The following CUX1 variants were observed in gnomAD, a reference collection of about 807,000 sequenced individuals.
The protein encoded by CUX1 is cut like homeobox 1, also known as protein CASP.
A neutral mutation model predicts 158.8 loss-of-function variants in CUX1; 31 were observed. The ratio of observed to expected loss-of-function variants is 0.20; its 90% CI spans 0.15 to 0.26. The LOEUF (loss-of-function observed/expected upper bound fraction) is 0.26. CUX1 is among the 10% of genes least tolerant of loss of function. The probability of loss-of-function intolerance (pLI) is 1.00; values close to 1 mark genes in which losing one functional copy is unlikely to be tolerated. For missense variants in CUX1, 1,589 were observed against 2,014.6 expected (o/e 0.79, Z 4.04); for synonymous variants, 879 against 862.1 (o/e 1.02, Z -0.34).
At chr7:102,073,539 C>T (rs1437452890) in intron 4 of CUX1, among the ~76,000 whole-genome samples, 2 of 152,064 alleles carry the variant, frequency 1.3e-5, no homozygotes, top group Non-Finnish European at 2.9e-5. Flanking sequence ...TCAATTTTTC[C>T]CTAGTGAAAT....
intron 8 of CUX1, among the ~76,000 whole-genome samples, chr7:102,131,234 A>G (rs975226994): frequency 6.6e-6 from 1 of 152,176 alleles, no homozygotes; most frequent in African/African-American, 2.4e-5. Context: ...GATTTTTCCA[A>G]TGGAAAAAGG....
At chr7:102,098,807 ATTTTTTTTTTTTTTTTTTTT>A (rs112048598) in intron 5 of CUX1, among the ~76,000 whole-genome samples, 1 of 67,968 alleles carries the variant, frequency 1.5e-5, no homozygotes, top group Admixed American at 2.0e-4. Context: ...CGCCCAACTA[ATTTTTTTTTTTTTTTTTTTT>A]TTTTTTTTTT....
At chr7:102,244,327 C>T (rs1321675456) in intron 23 of CUX1, among the ~76,000 whole-genome samples, 1 of 30,520 alleles carries the variant, frequency 3.3e-5, no homozygotes, top group Non-Finnish European at 1.1e-4. Context: ...ATTTTTGCCC[C>T]CTCAAAAAAA....
chr7:102,030,839 A>G (rs1820708520), intron 3 of CUX1, among the ~76,000 whole-genome samples: 1 of 151,746 alleles, frequency 6.6e-6, no homozygotes, highest in Admixed American at 6.6e-5. Context: ...AGCTGGGACT[A>G]TACATGTGCA....
chr7:102,123,653 C>T (rs1011758363), intron 8 of CUX1, among the ~76,000 whole-genome samples: 3 of 151,364 alleles, frequency 2.0e-5, no homozygotes, highest in Non-Finnish European at 2.9e-5. Flanking sequence ...TCAACCAGTC[C>T]TACTGCTTTT....
In CUX1 at chr7:102,009,014, C is replaced by T. The variant is rs148720777; in HGVS notation, c.142-19084C>T. 2.0e-5 allele frequency among the ~76,000 whole-genome samples: 3 copies of T among 152,276 alleles called. No homozygotes were observed. The East Asian group carries it at 5.8e-4, about 29-fold the overall frequency. On this transcript the variant is annotated intron_variant, in intron 2 of 23. Coordinates refer to ENST00000292535, the MANE Select transcript of CUX1 (RefSeq NM_181552.4). ...CAGGGAACCCTCGGCCCCGCGTGCT[C>T]CAGCAGGTCTGCATGATTAACCTGA...
chr7:101,855,876 T>TAAAA (rs1584774755), intron 1 of CUX1, among the ~76,000 whole-genome samples: 1 of 10,980 alleles, frequency 9.1e-5, no homozygotes, highest in African/African-American at 2.4e-4. Flanking sequence ...AGTTTCCAGC[T>TAAAA]CAAAAAAAAA....
chr7:101,981,891 T>G (rs972606450), intron 2 of CUX1, among the ~76,000 whole-genome samples: 2 of 152,168 alleles, frequency 1.3e-5, no homozygotes, highest in Non-Finnish European at 2.9e-5. Flanking sequence ...ATTACAGGCG[T>G]GAGCCACCGC....
intron 1 of CUX1, among the ~76,000 whole-genome samples, chr7:101,858,885 C>G (rs1797158429): frequency 6.6e-6 from 1 of 152,088 alleles, no homozygotes; most frequent in Admixed American, 6.5e-5. Context: ...AGGCTGGACT[C>G]AAACTCCTGA....
chr7:102,108,637 C>G (rs1554489223), intron 6 of CUX1, among the ~76,000 whole-genome samples: 1 of 152,032 alleles, frequency 6.6e-6, no homozygotes, highest in African/African-American at 2.4e-5. Flanking sequence ...GTGCCCAGCT[C>G]TTGACTTTTC....
intron 3 of CUX1, among the ~76,000 whole-genome samples, chr7:102,043,591 G>A (rs1009531158): frequency 4.6e-5 from 7 of 152,228 alleles, no homozygotes; most frequent in South Asian, 4.2e-4. Context: ...AGGGATGACC[G>A]TGTGTATAGA....
chr7:102,108,736 T>TGTGTG (rs1830610289), intron 6 of CUX1, among the ~76,000 whole-genome samples: 13 of 145,060 alleles, frequency 9.0e-5, no homozygotes, highest in Middle Eastern at 3.4e-3. Context: ...TTCATTCATT[T>TGTGTG]TGTGTGTGTG....
intron 2 of CUX1, among the ~76,000 whole-genome samples, chr7:101,945,145 G>A (rs1047490404): frequency 6.6e-6 from 1 of 152,186 alleles, no homozygotes; most frequent in African/African-American, 2.4e-5. Flanking sequence ...CGTGCTGGGA[G>A]TCAGGGGTGG....
At chr7:101,854,499 G>C (rs1432608693) in intron 1 of CUX1, among the ~76,000 whole-genome samples, 1 of 152,062 alleles carries the variant, frequency 6.6e-6, no homozygotes, top group Admixed American at 6.6e-5. Flanking sequence ...CTTATCTCTG[G>C]GTGGCGAGAA....
Position 102,202,023 on chromosome 7 carries a change from G to A in CUX1, c.2726G>A (p.Ser909Asn). The A allele has an allele frequency of 6.2e-7, 1 of 1,613,976 alleles. No individual in the cohort carries two copies. Among genetic ancestry groups the A allele is most frequent in the Non-Finnish European group, 8.5e-7 (1 of 1,179,980 alleles). The change falls in exon 18 of 24, where the codon AGC becomes AAC. Residue 909 changes from serine (S) to asparagine (N), a missense_variant. This residue lies in a region of CUX1 where 337 missense variants were observed against 409.3 expected (regional missense o/e 0.82). Transcript: ENST00000292535. Reference sequence around the variant, plus strand: ...AGCCGCAGCGAGACACCACAGAACAGCCCCCTGCCATCCTCCCCGATCGTG... The same window carrying A: ...AGCCGCAGCGAGACACCACAGAACAACCCCCTGCCATCCTCCCCGATCGTG... ...GASRSETPQN[S>N]PLPSSPIVPM...
At chr7:101,913,706 G>A (rs957560870) in intron 1 of CUX1, among the ~76,000 whole-genome samples, 10 of 152,078 alleles carry the variant, frequency 6.6e-5, no homozygotes, top group African/African-American at 2.2e-4. Context: ...TTGGGTAACC[G>A]CCCCCAGCAC....
chr7:101,869,790 A>G lies in CUX1; in HGVS notation c.31-46325A>G, dbSNP rs1190121567. Among the ~76,000 whole-genome samples, 4 of 152,146 alleles carry G rather than the reference A, an allele frequency of 2.6e-5. No individual in the cohort carries two copies. Among genetic ancestry groups the G allele is most frequent in the African/African-American group, 9.7e-5 (4 of 41,418 alleles). On this transcript the variant is annotated intron_variant, in intron 1 of 23. Coordinates refer to ENST00000292535, the MANE Select transcript of CUX1 (RefSeq NM_181552.4). The surrounding 1 kb of genome is among the most constrained non-coding windows in gnomAD (Gnocchi z 4.5). ...GGGAGGCCAGGCTCTGGCATTTCCC[A>G]GGAATGTAAACCCCGGTTTCAGCTT...
chr7:101,883,570 T>A (rs183718200), intron 1 of CUX1, among the ~76,000 whole-genome samples: 179 of 145,820 alleles, frequency 1.2e-3, no homozygotes, highest in Non-Finnish European at 1.9e-3. Context: ...ATAGTTATTT[T>A]TTTTTCTTTT....
intron 5 of CUX1, among the ~76,000 whole-genome samples, chr7:102,101,339 C>T (rs550568447): frequency 3.3e-5 from 5 of 152,312 alleles, no homozygotes; most frequent in Admixed American, 2.0e-4. Flanking sequence ...ATGCTGGCCC[C>T]GTCCTCCCCT....
Sources: gnomAD v4.1 joint callset for allele counts (sites outside exome capture counted in the v4.1 genomes callset) on GRCh38, gnomAD v4.1.1 for gene constraint, gnomAD v4.1.1 regional missense constraint, Gnocchi (gnomAD v3.1) non-coding constraint, MANE v1.5 for transcripts, NCBI Gene and HGNC (gene_info 2026-07-23, HGNC 2026-07-21) for gene names.